ADGRB3: variants seen among roughly 807,000 people sequenced by gnomAD.
ADGRB3 encodes brain-specific angiogenesis inhibitor 3.
In ADGRB3, 37 loss-of-function variants were observed where a neutral mutation model predicts 193.4. The ratio of observed to expected loss-of-function variants is 0.19; its 90% CI spans 0.15 to 0.25. The LOEUF is 0.25. ADGRB3 is among the 10% of genes least tolerant of loss of function. The probability of loss-of-function intolerance (pLI) is 1.00; values close to 1 mark genes in which losing one functional copy is unlikely to be tolerated. For synonymous variants in ADGRB3, 690 were observed against 644.2 expected, an observed-to-expected ratio of 1.07 and a Z score of -1.08; for missense variants, 1,637 against 1,852.9, an observed-to-expected ratio of 0.88 and a Z score of 2.14.
At chr6:68,946,128 T>G (rs557678707) in intron 6 of ADGRB3, among the ~76,000 whole-genome samples, 1 of 152,280 alleles carries the variant, frequency 6.6e-6, no homozygotes, top group African/African-American at 2.4e-5. Flanking sequence ...TCATAAAAGA[T>G]GTAGAATTCT....
At chr6:69,254,972 C>G (rs1237215699) in intron 20 of ADGRB3, among the ~76,000 whole-genome samples, 1 of 149,718 alleles carries the variant, frequency 6.7e-6, no homozygotes, top group Non-Finnish European at 1.5e-5. Context: ...GTTTTTTGTT[C>G]TTGCGATAGT....
chr6:68,839,654 A>G (rs892881450), intron 3 of ADGRB3, among the ~76,000 whole-genome samples: 2 of 152,204 alleles, frequency 1.3e-5, no homozygotes, highest in Admixed American at 1.3e-4. Context: ...AAGATAGCCA[A>G]ACAAAAGCCT....
intron 26 of ADGRB3, among the ~76,000 whole-genome samples, chr6:69,347,299 A>G (rs1769117545): frequency 6.6e-6 from 1 of 152,170 alleles, no homozygotes; most frequent in South Asian, 2.1e-4. Flanking sequence ...TGGCACATGT[A>G]TACCTATGTA....
chr6:68,676,401 A>AAAAAG (rs1769089177), intron 3 of ADGRB3, among the ~76,000 whole-genome samples: 1 of 151,598 alleles, frequency 6.6e-6, no homozygotes, highest in African/African-American at 2.4e-5. Context: ...AAAAAAAAAA[A>AAAAAG]AAAAAAAAAA....
chr6:69,266,956 AGT>A (rs1767057346), intron 20 of ADGRB3, among the ~76,000 whole-genome samples: 1 of 152,098 alleles, frequency 6.6e-6, no homozygotes, highest in Non-Finnish European at 1.5e-5. Flanking sequence ...ATTGCTCCGC[AGT>A]GTCCTTGCAG....
chr6:69,112,611 A>C (rs144908783), intron 17 of ADGRB3, among the ~76,000 whole-genome samples: 6 of 152,214 alleles, frequency 3.9e-5, no homozygotes, highest in African/African-American at 1.4e-4. Flanking sequence ...GGCCTTTCGT[A>C]TTCATGAGTT....
At chr6:68,929,908 T>G (rs2150245946) in intron 3 of ADGRB3, among the ~76,000 whole-genome samples, 2 of 152,082 alleles carry the variant, frequency 1.3e-5, no homozygotes, top group Middle Eastern at 6.8e-3. Flanking sequence ...ACAATAAATT[T>G]TATAAATATA....
chr6:68,755,595 A>G (rs1766284668), intron 3 of ADGRB3, among the ~76,000 whole-genome samples: 1 of 152,220 alleles, frequency 6.6e-6, no homozygotes, highest in African/African-American at 2.4e-5. Flanking sequence ...TGGAAGGTGA[A>G]CAATAAAAAT....
chr6:68,879,493 G>C (rs949201783), intron 3 of ADGRB3, among the ~76,000 whole-genome samples: 8 of 152,058 alleles, frequency 5.3e-5, no homozygotes, highest in African/African-American at 1.7e-4. Flanking sequence ...CTCCCAAAGT[G>C]CTGGGATTAC....
chr6:68,654,698 T>C (rs1768451282), intron 3 of ADGRB3, among the ~76,000 whole-genome samples: 1 of 151,942 alleles, frequency 6.6e-6, no homozygotes, highest in Non-Finnish European at 1.5e-5. Flanking sequence ...TTTGAGAATA[T>C]ATTCCCTGTT....
chr6:69,158,047 G>A (rs115499546), intron 17 of ADGRB3, among the ~76,000 whole-genome samples: 272 of 152,176 alleles, frequency 1.8e-3, no homozygotes, highest in African/African-American at 6.1e-3. Flanking sequence ...TTTTCAAAAA[G>A]TATTAATTAG....
At chr6:68,969,003 T>G (rs1768476685) in intron 8 of ADGRB3, among the ~76,000 whole-genome samples, 1 of 152,020 alleles carries the variant, frequency 6.6e-6, no homozygotes, top group Non-Finnish European at 1.5e-5. Flanking sequence ...TGAAAAAATT[T>G]TATTGGACAG....
intron 26 of ADGRB3, among the ~76,000 whole-genome samples, chr6:69,342,598 G>A (rs373581189): frequency 6.6e-6 from 1 of 152,086 alleles, no homozygotes; most frequent in East Asian, 1.9e-4. Context: ...GATTACTTGT[G>A]ATCACATTGC....
intron 17 of ADGRB3, among the ~76,000 whole-genome samples, chr6:69,174,244 G>A (rs1429778306): frequency 6.6e-6 from 1 of 152,068 alleles, no homozygotes; most frequent in African/African-American, 2.4e-5. Context: ...TTCAGCACTT[G>A]CATCCCTCTC....
intron 17 of ADGRB3, among the ~76,000 whole-genome samples, chr6:69,129,215 T>C (rs1773936310): frequency 6.6e-6 from 1 of 152,110 alleles, no homozygotes; most frequent in Non-Finnish European, 1.5e-5. Flanking sequence ...ACACAATTAG[T>C]GTGTAAGGTA....
At chr6:68,835,773 T>A (rs1768034082) in intron 3 of ADGRB3, among the ~76,000 whole-genome samples, 1 of 152,176 alleles carries the variant, frequency 6.6e-6, no homozygotes, top group Non-Finnish European at 1.5e-5. Context: ...GGTTTTTTTC[T>A]CATATTTTTC....
At chr6:68,784,073 A>G (rs1766911584) in intron 3 of ADGRB3, among the ~76,000 whole-genome samples, 1 of 152,140 alleles carries the variant, frequency 6.6e-6, no homozygotes, top group South Asian at 2.1e-4. Flanking sequence ...TAAGACAATG[A>G]TATCTGAATA....
At chr6:68,845,940 G>C (rs955736658) in intron 3 of ADGRB3, among the ~76,000 whole-genome samples, 1 of 152,172 alleles carries the variant, frequency 6.6e-6, no homozygotes, top group African/African-American at 2.4e-5. Context: ...AAGAAGACAG[G>C]AAAATGTGGG....
At chr6:68,733,962 T>A (rs140187836) in intron 3 of ADGRB3, among the ~76,000 whole-genome samples, 1 of 151,934 alleles carries the variant, frequency 6.6e-6, no homozygotes, top group African/African-American at 2.4e-5. Context: ...TCAAAACATC[T>A]CATAGACCCC....
Sources: allele counts gnomAD v4.1 joint callset (sites outside exome capture counted in the v4.1 genomes callset), GRCh38; gene constraint gnomAD v4.1.1; transcripts MANE v1.5; gene names NCBI Gene and HGNC (gene_info 2026-07-23, HGNC 2026-07-21).